The following EXOC5 variants were observed in gnomAD, a reference collection of about 807,000 sequenced individuals.
EXOC5 encodes the protein SEC10-like 1.
A neutral mutation model predicts 90.8 loss-of-function variants in EXOC5; 17 were observed. The observed-to-expected ratio is 0.19, with a 90% CI of 0.13 to 0.28. The LOEUF (loss-of-function observed/expected upper bound fraction) is 0.28. Among genes scored for constraint, EXOC5 ranks in the 10% least tolerant of loss-of-function variants. EXOC5 has a pLI of 1.00. For synonymous variants in EXOC5, 260 were observed against 270.0 expected (o/e 0.96, Z 0.36); for missense variants, 569 against 830.6 (o/e 0.69, Z 3.87).
chr14:57,215,260 C>T (rs1882940865), intron 15 of EXOC5, among the ~76,000 whole-genome samples: 1 of 151,664 alleles, frequency 6.6e-6, no homozygotes, highest in African/African-American at 2.4e-5. Flanking sequence ...GAAGAATTAA[C>T]ACCAATCGTT....
intron 4 of EXOC5, among the ~76,000 whole-genome samples, chr14:57,240,199 C>A: frequency 7.0e-6 from 1 of 142,894 alleles, no homozygotes; most frequent in African/African-American, 2.8e-5. Context: ...GTGTATATTT[C>A]TTTTCTTTCT....
Position 57,229,734 on chromosome 14 carries a change from C to T in EXOC5, c.1296G>A (p.Arg432=). ...AAAATACATTTACAATCACTCTTAC[C>T]CTATGACATCTTTCAAAGGCTTGTT... ...ETKQAFERCH[R]LSDPSDLPRN... The change falls in exon 12 of 18, where the codon AGG becomes AGA. Residue 432 remains arginine, a splice_region_variant and synonymous_variant. Coordinates refer to ENST00000621441, the MANE Select transcript of EXOC5 (RefSeq NM_006544.4). 1 of 1,512,498 alleles carries T rather than the reference C, an allele frequency of 6.6e-7. No individual in the cohort carries two copies. The highest frequency in any genetic ancestry group is 8.9e-7 in the Non-Finnish European group (1 of 1,121,292). The allele number at this position is 1,512,498 out of a possible 1,614,324, so 93.7% of individuals were successfully genotyped here.
chr14:57,211,414 T>C (rs1339122259), intron 15 of EXOC5, among the ~76,000 whole-genome samples: 2 of 134,350 alleles, frequency 1.5e-5, no homozygotes, highest in Non-Finnish European at 2.9e-5. Flanking sequence ...TCACTTGAAA[T>C]ATGGAAATCT....
rs10550570 is a variant in EXOC5 at position 57,266,735 on chromosome 14, G to GTATA, written c.27+1883_27+1886dup. Among the ~76,000 whole-genome samples, 983 of 146,460 alleles carry GTATA rather than the reference G, an allele frequency of 6.7e-3. 16 individuals are homozygous for GTATA. Among genetic ancestry groups the GTATA allele is most frequent in the Non-Finnish European group, 8.9e-3 (595 of 66,822 alleles). On this transcript the variant is annotated intron_variant, in intron 1 of 17. Transcript: ENST00000621441. Reference sequence around the variant, plus strand: ...TATATATATGTGTATGTGTGTGTGTGTATATATATATATATATAAAACGTA... The same window carrying GTATA: ...TATATATATGTGTATGTGTGTGTGTGTATATATATATATATATATATAAAACGTA...
At chr14:57,222,473 A>AT in intron 12 of EXOC5, 57 bp from the exon 13 acceptor site, 64 of 950,898 alleles carry the variant, frequency 6.7e-5, no homozygotes, top group South Asian at 1.1e-4. Context: ...GAAAATGCCA[A>AT]TTTTTTTTAA....
chr14:57,267,521 G>C (rs1355669584), intron 1 of EXOC5, among the ~76,000 whole-genome samples: 1 of 152,168 alleles, frequency 6.6e-6, no homozygotes, highest in Non-Finnish European at 1.5e-5. Context: ...TTATGGAGAA[G>C]TTCCCTATTG....
chr14:57,232,125 T>A (rs1400546838), intron 10 of EXOC5: 1 of 165,942 alleles, frequency 6.0e-6, no homozygotes, highest in Non-Finnish European at 1.3e-5. Flanking sequence ...CTATTTCCCA[T>A]TGCTGAAGAT....
chr14:57,225,854 C>T (rs982078875), intron 12 of EXOC5, among the ~76,000 whole-genome samples: 3 of 152,090 alleles, frequency 2.0e-5, no homozygotes, highest in Non-Finnish European at 4.4e-5. Context: ...TCCGGAAAGG[C>T]GGGACAACTT....
At position 57,202,371 on chromosome 14, in the gene EXOC5, T is replaced by C. The variant is rs1218741245; in HGVS notation, c.*6238A>G. The C allele has an allele frequency of 1.3e-5, 2 of 152,176 alleles. No homozygotes were observed. The highest frequency in any genetic ancestry group is 1.3e-4 in the Admixed American group (2 of 15,264). The allele number at this position is 152,176 out of a possible 1,614,324, so 9.4% of individuals were successfully genotyped here. On this transcript the variant is annotated 3_prime_UTR_variant, in exon 18 of 18. Transcript: ENST00000621441. The stretch of plus-strand genomic sequence containing the variant: ...CTGAGGATTAGATAGTAGTAATATG[T>C]CAATGTTAACTTCCCAATTTTCATG...
Position 57,208,710 on chromosome 14 carries a change from A to G in EXOC5, c.2026T>C (p.Ser676Pro). 1 of 1,611,412 alleles carries G rather than the reference A, an allele frequency of 6.2e-7. No homozygotes were observed. ...TCCAGATTAGCAAGTTGTTCTCCTG[A>G]GCAGACTTGCTTTAAATTATCTGGG... ...VAPDNLKQVCSGEQLANLDKN... is the reference protein window; with the variant it reads ...VAPDNLKQVCPGEQLANLDKN... The change falls in exon 18 of 18, where the codon TCA (serine) becomes CCA (proline). Residue 676 changes from serine to proline, a missense_variant. Ser to Pro is a moderately conservative substitution (Grantham distance 74, BLOSUM62 -1). Transcript: ENST00000621441.
At position 57,208,393 on chromosome 14, in the gene EXOC5, T is replaced by C. The variant is rs1330112511; in HGVS notation, c.*216A>G. The C allele has an allele frequency of 7.7e-6, 3 of 391,570 alleles. No homozygotes were observed. Among genetic ancestry groups the C allele is most frequent in the African/African-American group, 4.0e-5 (2 of 49,412 alleles). The allele number at this position is 391,570 out of a possible 1,614,324, so 24.3% of individuals were successfully genotyped here. A position where few individuals can be genotyped will look rare whatever the true frequency, so the allele number is the denominator to read the frequency against. ...ATTCAAGAATGGAATTAAAATTCAA[T>C]GTGAGGGGAAAAAAGCAAAATATAG... On this transcript the variant is annotated 3_prime_UTR_variant, in exon 18 of 18. Coordinates refer to ENST00000621441, the MANE Select transcript of EXOC5 (RefSeq NM_006544.4).
rs1882590875 is a variant in EXOC5 at position 57,204,508 on chromosome 14, T to C, written c.*4101A>G. On this transcript the variant is annotated 3_prime_UTR_variant, in exon 18 of 18. Transcript: ENST00000621441. ...AAAAACTACCAATGTACTAAATAGT[T>C]AACACAATTGGCAAGCCTATGACAT... 6.6e-6 allele frequency: 1 copy of C among 152,316 alleles called. No homozygotes were observed. Among genetic ancestry groups the C allele is most frequent in the Admixed American group, 6.5e-5 (1 of 15,268 alleles). The allele number at this position is 152,316 out of a possible 1,614,324, so 9.4% of individuals were successfully genotyped here.
At chr14:57,237,241 T>C (rs1282442668) in intron 6 of EXOC5, 97 bp downstream of exon 6, 16 of 724,438 alleles carry the variant, frequency 2.2e-5, no homozygotes, top group Middle Eastern at 2.6e-4. Flanking sequence ...GGTAGGAAGA[T>C]GACATTGTTC....
At chr14:57,249,521 C>T (rs997022045) in intron 1 of EXOC5, among the ~76,000 whole-genome samples, 7 of 151,980 alleles carry the variant, frequency 4.6e-5, no homozygotes, top group African/African-American at 7.2e-5. Context: ...AAAATATTTT[C>T]AATTACCTGA....
chr14:57,225,805 T>C (rs1412426475), intron 12 of EXOC5, among the ~76,000 whole-genome samples: 1 of 152,154 alleles, frequency 6.6e-6, no homozygotes, highest in Non-Finnish European at 1.5e-5. Flanking sequence ...TAGGGAGACA[T>C]GAGACATCAA....
At chr14:57,215,409 A>G (rs1882945525) in intron 15 of EXOC5, among the ~76,000 whole-genome samples, 1 of 127,174 alleles carries the variant, frequency 7.9e-6, no homozygotes, top group Admixed American at 6.9e-5. Flanking sequence ...ATGAATAAAG[A>G]TGTAAAAAAA....
chr14:57,245,407 A>G (rs1420119425), intron 3 of EXOC5, among the ~76,000 whole-genome samples: 1 of 152,200 alleles, frequency 6.6e-6, no homozygotes, highest in African/African-American at 2.4e-5. Flanking sequence ...TACAGATTAA[A>G]AAAAAACCTG....
chr14:57,208,549 T>C lies in EXOC5; in HGVS notation c.*60A>G, dbSNP rs1398085736. Reference sequence around the variant, plus strand: ...GTGCTTTCTATCAACCGAGGGCTGCTGAAGTATAAGACATTCCTCTGTAAA... The same window carrying C: ...GTGCTTTCTATCAACCGAGGGCTGCCGAAGTATAAGACATTCCTCTGTAAA... On this transcript the variant is annotated 3_prime_UTR_variant, in exon 18 of 18. Transcript: ENST00000621441. 7 of 1,284,118 alleles carry C rather than the reference T, an allele frequency of 5.5e-6. No homozygotes were observed. Among genetic ancestry groups the C allele is most frequent in the African/African-American group, 1.5e-5 (1 of 68,804 alleles). The allele number at this position is 1,284,118 out of a possible 1,614,324, so 79.5% of individuals were successfully genotyped here.
intron 7 of EXOC5, among the ~76,000 whole-genome samples, chr14:57,234,560 T>A (rs1474324588): frequency 6.7e-6 from 1 of 149,490 alleles, no homozygotes; most frequent in Non-Finnish European, 1.5e-5. Flanking sequence ...TATGTGTATA[T>A]ATATATTTCT....
Sources: gnomAD v4.1 joint callset for allele counts (sites outside exome capture counted in the v4.1 genomes callset) on GRCh38, gnomAD v4.1.1 for gene constraint, MANE v1.5 for transcripts, NCBI Gene and HGNC (gene_info 2026-07-23, HGNC 2026-07-21) for gene names.